HTR3D: variants seen among roughly 807,000 people sequenced by gnomAD.
HTR3D encodes the protein 5-hydroxytryptamine (serotonin) receptor 3 family member D.
In HTR3D, 47 loss-of-function variants were observed where a neutral mutation model predicts 45.8. The observed-to-expected ratio is 1.03, with a 90% CI of 0.81 to 1.31. HTR3D has a LOEUF of 1.31. Ranked by LOEUF, HTR3D falls within the 50% of genes most tolerant of loss-of-function variation. The probability of loss-of-function intolerance (pLI) is 0.00; values close to 1 mark genes in which losing one functional copy is unlikely to be tolerated. For missense variants in HTR3D, 448 were observed against 506.9 expected, an observed-to-expected ratio of 0.88 and a Z score of 1.12; for synonymous variants, 203 against 199.8, an observed-to-expected ratio of 1.02 and a Z score of -0.13.
Position 184,033,119 on chromosome 3 carries a change from A to ATTTT in HTR3D, c.66+1327_66+1330dup, listed in dbSNP as rs879211143. ...GGTGAGCAGTGGACCCTCTGACTGGATTTTTTTTTTTTTTTTTTGAGATGG... is the reference window on the plus strand; with the variant it reads ...GGTGAGCAGTGGACCCTCTGACTGGATTTTTTTTTTTTTTTTTTTTTTGAGATGG... On this transcript the variant is annotated intron_variant, in intron 1 of 7. Transcript: ENST00000428798. The ATTTT allele has an allele frequency of 5.2e-4, 476 of 908,240 alleles. 6 individuals carry two copies. The African/African-American group carries it at 6.7e-3, about 13-fold the overall frequency. 56.3% of individuals were successfully genotyped at this position (908,240 alleles called of 1,614,324 possible). A position where few individuals can be genotyped will look rare whatever the true frequency, so the allele number is the denominator to read the frequency against.
At position 184,038,894 on chromosome 3, in the gene HTR3D, G is replaced by C. The variant is rs201102333; in HGVS notation, c.1134G>C (p.Ala378=). 3.1e-6 allele frequency: 5 copies of C among 1,614,218 alleles called. No homozygotes were observed. Among genetic ancestry groups the C allele is most frequent in the Non-Finnish European group, 3.4e-6 (4 of 1,180,042 alleles). ...AGCTGTGGGTGCAGTTCAGCCACGC[G>C]ATGGACGCCCTGCTCTTCCGCCTCT... The part of the protein sequence containing the change: ...SVELWVQFSH[A]MDALLFRLYL... Residue 378 remains alanine, a synonymous_variant, in exon 8 of 8, where the codon GCG becomes GCC. Coordinates refer to ENST00000428798, the MANE Select transcript of HTR3D (RefSeq NM_001145143.1). This position sits in a 1 kb window ranked among gnomAD's most constrained non-coding sequence, Gnocchi z 4.5.
At chr3:184,035,397 G>A (rs914595535) in intron 2 of HTR3D, among the ~76,000 whole-genome samples, 175 bp downstream of exon 2, 15 of 152,174 alleles carry the variant, frequency 9.9e-5, no homozygotes, top group African/African-American at 3.6e-4. Flanking sequence ...TGGTTTAGGA[G>A]GGCAGAAAAT....
chr3:184,034,534 C>T (rs780028525), intron 1 of HTR3D, among the ~76,000 whole-genome samples: 5 of 152,042 alleles, frequency 3.3e-5, no homozygotes, highest in Admixed American at 1.3e-4. Context: ...ATGTGTTTAA[C>T]GCCACGGAAC....
chr3:184,034,847 T>C (rs371039828), intron 1 of HTR3D, among the ~76,000 whole-genome samples: 12 of 152,238 alleles, frequency 7.9e-5, no homozygotes, highest in Admixed American at 7.9e-4. Flanking sequence ...AAAAAATGAT[T>C]TTTAAAAGTG....
chr3:184,039,202 T>C lies in HTR3D; in HGVS notation c.*227T>C. The C allele has an allele frequency of 1.9e-6, 1 of 528,266 alleles. No homozygotes were observed. Among genetic ancestry groups the C allele is most frequent in the Non-Finnish European group, 3.3e-6 (1 of 299,962 alleles). The allele number at this position is 528,266 out of a possible 1,614,324, so 32.7% of individuals were successfully genotyped here. ...CTCAGCCCTCCCATACCTCCCTGGCTCCTCAGGATTCAGGTTCCTAGGGTA... is the reference window on the plus strand; with the variant it reads ...CTCAGCCCTCCCATACCTCCCTGGCCCCTCAGGATTCAGGTTCCTAGGGTA... On this transcript the variant is annotated 3_prime_UTR_variant, in exon 8 of 8. Coordinates refer to ENST00000428798, the MANE Select transcript of HTR3D (RefSeq NM_001145143.1).
At position 184,036,819 on chromosome 3, in the gene HTR3D, T is replaced by G; in HGVS notation, c.439T>G (p.Trp147Gly). ...HRTSFRTRREWVLLGIQKRTI... is the reference protein window; with the variant it reads ...HRTSFRTRREGVLLGIQKRTI... ...AACCTCATTCAGAACAAGGAGGGAG[T>G]GGGTACTGCTGGGTATCCAAAAAAG... Residue 147 changes from tryptophan to glycine, a missense_variant, in exon 5 of 8, where the codon TGG becomes GGG. Coordinates refer to ENST00000428798, the MANE Select transcript of HTR3D (RefSeq NM_001145143.1). 6.4e-7 allele frequency: 1 copy of G among 1,551,478 alleles called. No homozygotes were observed. Among genetic ancestry groups the G allele is most frequent in the Non-Finnish European group, 8.7e-7 (1 of 1,146,942 alleles).
Position 184,038,574 on chromosome 3 carries a change from C to T in HTR3D, c.935C>T (p.Ala312Val), listed in dbSNP as rs142947621. 209 of 1,614,002 alleles carry T rather than the reference C, an allele frequency of 1.3e-4. No homozygotes were observed. The highest frequency in any genetic ancestry group is 8.5e-4 in the Middle Eastern group (5 of 5,906). The stretch of plus-strand genomic sequence containing the variant: ...GGCCAAGGGAGATGCTGTCCCACTG[C>T]GCCCCAGAAGGGAAATAAGGGCCCG... ...CTGQGRCCPT[A>V]PQKGNKGPGL... The change falls in exon 7 of 8, where the codon GCG (alanine) becomes GTG (valine). Residue 312 changes from alanine to valine, a missense_variant. Coordinates refer to ENST00000428798, the MANE Select transcript of HTR3D (RefSeq NM_001145143.1). The surrounding 1 kb of genome is among the most constrained non-coding windows in gnomAD (Gnocchi z 4.5).
In HTR3D at chr3:184,036,793, G is replaced by C. The variant is rs1431577892; in HGVS notation, c.413G>C (p.Arg138Thr). The change falls in exon 5 of 8, where the codon AGA becomes ACA. Residue 138 changes from arginine to threonine, a missense_variant. Coordinates refer to ENST00000428798, the MANE Select transcript of HTR3D (RefSeq NM_001145143.1). ...RMSRSFQIHH[R>T]TSFRTRREWV... ...TCCAGGAGCTTTCAAATACATCACA[G>C]AACCTCATTCAGAACAAGGAGGGAG... 2 of 1,552,116 alleles carry C rather than the reference G, an allele frequency of 1.3e-6. No homozygotes were observed. Among genetic ancestry groups the C allele is most frequent in the East Asian group, 4.9e-5 (2 of 40,920 alleles).
chr3:184,031,858 C>A, intron 1 of HTR3D, 51 bp downstream of exon 1: 1 of 1,255,236 alleles, frequency 8.0e-7, no homozygotes. Flanking sequence ...TCCTGGGAAG[C>A]AGAGAAAACA....
Position 184,036,112 on chromosome 3 carries a change from G to T in HTR3D, c.197+12G>T. 6.5e-7 allele frequency: 1 copy of T among 1,545,658 alleles called. No individual in the cohort carries two copies. The highest frequency in any genetic ancestry group is 8.7e-7 in the Non-Finnish European group (1 of 1,145,212). ...TTCATCGAGGAGTCGTGAGTCTCAG[G>T]CCAAAAAAGCAGAATGGAAACCACG... On this transcript the variant is annotated intron_variant, in intron 3 of 7. Coordinates refer to ENST00000428798, the MANE Select transcript of HTR3D (RefSeq NM_001145143.1).
At position 184,038,383 on chromosome 3, in the gene HTR3D, C is replaced by T. The variant is rs1238791787; in HGVS notation, c.770-26C>T. 1 of 1,614,096 alleles carries T rather than the reference C, an allele frequency of 6.2e-7. No individual in the cohort carries two copies. The highest frequency in any genetic ancestry group is 1.7e-5 in the Admixed American group (1 of 60,018). On this transcript the variant is annotated intron_variant, in intron 6 of 7. Coordinates refer to ENST00000428798, the MANE Select transcript of HTR3D (RefSeq NM_001145143.1). The surrounding 1 kb of genome is among the most constrained non-coding windows in gnomAD (Gnocchi z 4.5). The stretch of plus-strand genomic sequence containing the variant: ...AGAAATTCTAGGTGGCGCCTCTGGC[C>T]CTCATGCAGACCCCCTTGCCTGCAG...
At chr3:184,034,456 TAG>T (rs1394830540) in intron 1 of HTR3D, among the ~76,000 whole-genome samples, 2 of 152,204 alleles carry the variant, frequency 1.3e-5, no homozygotes, top group Non-Finnish European at 2.9e-5. Flanking sequence ...TTAACGGGTG[TAG>T]AGTTTCCATT....
rs1722987357 is a variant in HTR3D, at chr3:184,038,664, C to T, written c.985+40C>T. ...ACTTCCTCTTCCCCCACCTCCACTTCTCTGCTCCTGCCTCCTTCCCTGTCT... is the reference window on the plus strand; with the variant it reads ...ACTTCCTCTTCCCCCACCTCCACTTTTCTGCTCCTGCCTCCTTCCCTGTCT... On this transcript the variant is annotated intron_variant, in intron 7 of 7. Coordinates refer to ENST00000428798, the MANE Select transcript of HTR3D (RefSeq NM_001145143.1). This position sits in a 1 kb window ranked among gnomAD's most constrained non-coding sequence, Gnocchi z 4.5. The T allele has an allele frequency of 6.3e-7, 1 of 1,584,368 alleles. No individual in the cohort carries two copies. Among genetic ancestry groups the T allele is most frequent in the Non-Finnish European group, 8.6e-7 (1 of 1,164,276 alleles).
Position 184,038,342 on chromosome 3 carries a change from C to G in HTR3D, c.770-67C>G, listed in dbSNP as rs1310646578. 1.2e-6 allele frequency: 2 copies of G among 1,612,500 alleles called. No individual in the cohort carries two copies. Among genetic ancestry groups the G allele is most frequent in the Admixed American group, 3.3e-5 (2 of 59,956 alleles). On this transcript the variant is annotated intron_variant, in intron 6 of 7. Transcript: ENST00000428798. This position sits in a 1 kb window ranked among gnomAD's most constrained non-coding sequence, Gnocchi z 4.5. ...TGAAAAGGGATCCTGGAAAAAGATC[C>G]TCTGGGAAAGAAACAAGAAATTCTA...
Position 184,038,572 on chromosome 3 carries a change from T to G in HTR3D, c.933T>G (p.Thr311=), listed in dbSNP as rs769672746. Residue 311 remains threonine (T), a synonymous_variant, in exon 7 of 8, where the codon ACT becomes ACG. Transcript: ENST00000428798. This position sits in a 1 kb window ranked among gnomAD's most constrained non-coding sequence, Gnocchi z 4.5. Reference sequence around the variant, plus strand: ...CCGGCCAAGGGAGATGCTGTCCCACTGCGCCCCAGAAGGGAAATAAGGGCC... The same window carrying G: ...CCGGCCAAGGGAGATGCTGTCCCACGGCGCCCCAGAAGGGAAATAAGGGCC... ...HCTGQGRCCP[T]APQKGNKGPG... 34 of 1,613,858 alleles carry G rather than the reference T, an allele frequency of 2.1e-5. No individual in the cohort carries two copies. The highest frequency in any genetic ancestry group is 1.7e-6 in the Non-Finnish European group (2 of 1,180,032).
In HTR3D at chr3:184,036,522, A is replaced by T; in HGVS notation, c.345A>T (p.Ser115=). ...PSMDRGERSP[S]ALSPTQVTRA... is the part of the protein sequence containing the mutation. ...TGGACAGAGGTGAACGCTCTCCTTC[A>T]GCCCTTTCACCTACACAGGTAAGTG... Residue 115 remains serine, a synonymous_variant, in exon 4 of 8, where the codon TCA becomes TCT. Transcript: ENST00000428798. The T allele has an allele frequency of 1.2e-6, 2 of 1,614,240 alleles. No homozygotes were observed. The highest frequency in any genetic ancestry group is 1.7e-6 in the Non-Finnish European group (2 of 1,180,050).
Position 184,037,681 on chromosome 3 carries a change from C to T in HTR3D, c.517-340C>T, listed in dbSNP as rs139992118. Among the ~76,000 whole-genome samples the T allele has an allele frequency of 4.1e-3, 618 of 152,190 alleles. 1 individual carries two copies. Among genetic ancestry groups the T allele is most frequent in the Non-Finnish European group, 6.9e-3 (468 of 68,022 alleles). On this transcript the variant is annotated intron_variant, in intron 5 of 7. Transcript: ENST00000428798. ...AAAGTCACTAGAGATTAGACCTTGA[C>T]GAGAAAAGCAATTAGAAATGAAAAG...
At chr3:184,034,827 CA>C (rs1238106138) in intron 1 of HTR3D, among the ~76,000 whole-genome samples, 1 of 150,412 alleles carries the variant, frequency 6.6e-6, no homozygotes. Context: ...GATTCTGTCT[CA>C]AAAAAAAGAA....
At chr3:184,037,927 G>A in intron 5 of HTR3D, 94 bp from the exon 6 acceptor site, 2 of 1,484,988 alleles carry the variant, frequency 1.3e-6, no homozygotes, top group Non-Finnish European at 1.8e-6. Context: ...TTACTAGACA[G>A]TTTGGCCTGG....
Sources: gnomAD v4.1 joint callset for allele counts (sites outside exome capture counted in the v4.1 genomes callset) on GRCh38, gnomAD v4.1.1 for gene constraint, Gnocchi (gnomAD v3.1) non-coding constraint, MANE v1.5 for transcripts, NCBI Gene and HGNC (gene_info 2026-07-23, HGNC 2026-07-21) for gene names.